YTHDC2: variants seen among roughly 807,000 people sequenced by gnomAD.
The protein encoded by YTHDC2 is YTH N6-methyladenosine RNA binding protein C2, also known as 3'-5' RNA helicase YTHDC2.
YTHDC2 carries 45 observed loss-of-function variants against 174.9 expected under a neutral mutation model. The ratio of observed to expected loss-of-function variants is 0.26; its 90% confidence interval spans 0.20 to 0.33. The LOEUF is 0.33. YTHDC2 is among the 10% of genes least tolerant of loss of function. YTHDC2 has a pLI of 1.00. For missense variants in YTHDC2, 1,650 were observed against 1,723.7 expected (o/e 0.96, Z 0.76); for synonymous variants, 657 against 574.5 (o/e 1.14, Z -2.05).
chr5:113,577,871 T>C (rs1319947024), intron 23 of YTHDC2, among the ~76,000 whole-genome samples: 3 of 152,304 alleles, frequency 2.0e-5, no homozygotes, highest in East Asian at 3.9e-4. Flanking sequence ...TGTGTAATTT[T>C]CTTGCTGAAC....
chr5:113,586,263 G>A (rs1262277672), intron 26 of YTHDC2, among the ~76,000 whole-genome samples: 1 of 151,958 alleles, frequency 6.6e-6, no homozygotes, highest in South Asian at 2.1e-4. Flanking sequence ...TACTAATGAT[G>A]TTGAGCATCT....
chr5:113,541,192 A>ATTTTTTT, intron 9 of YTHDC2, 76 bp downstream of exon 9: 1 of 1,281,168 alleles, frequency 7.8e-7, no homozygotes, highest in East Asian at 2.6e-5. Context: ...TGAGCTTATA[A>ATTTTTTT]TTTTTTTTTT....
intron 6 of YTHDC2, among the ~76,000 whole-genome samples, chr5:113,534,644 G>C (rs947902264): frequency 3.3e-5 from 5 of 151,722 alleles, no homozygotes; most frequent in Non-Finnish European, 5.9e-5. Flanking sequence ...CTTTATTGAG[G>C]GAAAATAAAA....
intron 18 of YTHDC2, among the ~76,000 whole-genome samples, chr5:113,561,957 G>GGTGGGTGGGTGTGTGTGTGT (rs1347716150): frequency 3.6e-4 from 49 of 134,958 alleles, no homozygotes; most frequent in African/African-American, 1.1e-3. Flanking sequence ...ATTAATTGTG[G>GGTGGGTGGGTGTGTGTGTGT]GTGTGTGTGT....
intron 5 of YTHDC2, among the ~76,000 whole-genome samples, chr5:113,533,825 G>T (rs747821420): frequency 1.3e-5 from 2 of 152,084 alleles, no homozygotes; most frequent in Non-Finnish European, 2.9e-5. Flanking sequence ...GTTCATCAGA[G>T]GATTCTGGAT....
chr5:113,548,293 A>T (rs1023864126), intron 10 of YTHDC2, among the ~76,000 whole-genome samples: 4 of 152,204 alleles, frequency 2.6e-5, no homozygotes, highest in Non-Finnish European at 5.9e-5. Flanking sequence ...AAACAGTTTA[A>T]CATCGATCTT....
rs760660765 is a variant in YTHDC2, at chr5:113,565,909, G to T, written c.2732G>T (p.Arg911Leu). 4.3e-6 allele frequency: 7 copies of T among 1,612,160 alleles called. No individual in the cohort carries two copies. The highest frequency in any genetic ancestry group is 4.2e-6 in the Non-Finnish European group (5 of 1,179,252). ...LRAFQAWQKA[R>L]SDGWERAFCE... is the part of the protein sequence containing the mutation. ...TTTTTATAGGCCTGGCAAAAAGCAC[G>T]AAGTGATGGGTGGGAGCGAGCCTTT... Residue 911 changes from arginine to leucine, a missense_variant, in exon 21 of 30, where the codon CGA (arginine) becomes CTA (leucine). Physicochemically the swap from Arg to Leu is moderately radical, Grantham distance 102. This residue lies in a region of YTHDC2 where 913 missense variants were observed against 940.4 expected (regional missense o/e 0.97). Transcript: ENST00000161863.
chr5:113,582,948 C>T (rs1420711380), intron 25 of YTHDC2: 1 of 152,084 alleles, frequency 6.6e-6, no homozygotes, highest in African/African-American at 2.4e-5. Context: ...AATTTTTTTA[C>T]TTAGATACAC....
At position 113,581,473 on chromosome 5, in the gene YTHDC2, A is replaced by C. The variant is rs1013338432; in HGVS notation, c.3411A>C (p.Arg1137=). The C allele has an allele frequency of 6.2e-7, 1 of 1,613,498 alleles. No individual in the cohort carries two copies. The highest frequency in any genetic ancestry group is 1.1e-5 in the South Asian group (1 of 90,966). ...AGTGGCATAGCTTATTTTTACGCCG[A>C]ATGAGAGCTCCATCTAAACCTTGGT... ...RQKWHSLFLR[R]MRAPSKPWSQ... is the part of the protein sequence containing the mutation. The change falls in exon 25 of 30, where the codon CGA becomes CGC. Residue 1137 remains arginine, a synonymous_variant. Coordinates refer to ENST00000161863, the MANE Select transcript of YTHDC2 (RefSeq NM_022828.5).
intron 8 of YTHDC2, among the ~76,000 whole-genome samples, chr5:113,539,636 A>G (rs796634570): frequency 2.0e-5 from 3 of 152,348 alleles, no homozygotes; most frequent in African/African-American, 7.2e-5. Context: ...TTTCCTGTTA[A>G]TACGTCTCTT....
chr5:113,566,715 A>G (rs945600010), intron 21 of YTHDC2, among the ~76,000 whole-genome samples: 3 of 152,196 alleles, frequency 2.0e-5, no homozygotes, highest in African/African-American at 7.2e-5. Context: ...ATTAGTATCT[A>G]TCATAACCAA....
At chr5:113,532,250 C>A (rs1299874691) in intron 4 of YTHDC2, among the ~76,000 whole-genome samples, 1 of 152,012 alleles carries the variant, frequency 6.6e-6, no homozygotes, top group Non-Finnish European at 1.5e-5. Context: ...CTTATATACA[C>A]AAATATTCTG....
chr5:113,529,528 C>T (rs10036300), intron 4 of YTHDC2, among the ~76,000 whole-genome samples: 23,763 of 152,010 alleles, frequency 0.16, 2,006 homozygotes, highest in Non-Finnish European at 0.2. Context: ...TCTTGTTTCT[C>T]TAAAGCTTGG....
intron 23 of YTHDC2, 100 bp from the exon 24 acceptor site, chr5:113,579,486 C>T: frequency 1.4e-6 from 1 of 707,226 alleles, no homozygotes; most frequent in Non-Finnish European, 2.2e-6. Context: ...TGTTGTATGT[C>T]AGGAGGGTTT....
intron 23 of YTHDC2, among the ~76,000 whole-genome samples, chr5:113,576,035 G>T (rs777888785): frequency 1.3e-5 from 2 of 152,096 alleles, no homozygotes; most frequent in Non-Finnish European, 2.9e-5. Context: ...GGAGCAAGTC[G>T]TGTAGGGGAG....
intron 4 of YTHDC2, among the ~76,000 whole-genome samples, chr5:113,528,586 GCAGCCTCCACCTCCTGAGCTC>G (rs1281524179): frequency 7.7e-6 from 1 of 130,356 alleles, no homozygotes; most frequent in Non-Finnish European, 1.6e-5. Flanking sequence ...GCAATGGCGT[GCAGCCTCCACCTCCTGAGCTC>G]CAGCAATTCT....
At chr5:113,540,088 A>T (rs1178570010) in intron 8 of YTHDC2, among the ~76,000 whole-genome samples, 1 of 152,154 alleles carries the variant, frequency 6.6e-6, no homozygotes, top group East Asian at 1.9e-4. Context: ...CAGTCTAGTT[A>T]CATCGCCCAG....
chr5:113,583,741 CA>C (rs1222252907), intron 25 of YTHDC2: 1 of 152,468 alleles, frequency 6.6e-6, no homozygotes, highest in Non-Finnish European at 1.5e-5. Context: ...CTCGGCTTCC[CA>C]AAGTGCTGGG....
chr5:113,584,068 A>T, intron 25 of YTHDC2: 1 of 325,908 alleles, frequency 3.1e-6, no homozygotes, highest in Non-Finnish European at 5.5e-6. Context: ...TAAAGTTCCA[A>T]TAAGTTACGA....
Sources: allele counts gnomAD v4.1 joint callset (sites outside exome capture counted in the v4.1 genomes callset), GRCh38; gene constraint gnomAD v4.1.1; regional missense constraint gnomAD v4.1.1; transcripts MANE v1.5; gene names NCBI Gene and HGNC (gene_info 2026-07-23, HGNC 2026-07-21).